The following ANO6 variants were observed in gnomAD, a reference collection of about 807,000 sequenced individuals.
The protein encoded by ANO6 is anoctamin-6.
ANO6 carries 106 observed loss-of-function variants against 117.5 expected under a neutral mutation model. That is an observed-to-expected ratio of 0.90 (90% confidence interval 0.77 to 1.06). The LOEUF is 1.06. Among genes scored for constraint, ANO6 ranks in the 50% least tolerant of loss-of-function variants. The pLI, the probability that ANO6 is intolerant of heterozygous loss-of-function variation, is 0.00. For missense variants in ANO6, 955 were observed against 1,121.1 expected (o/e 0.85, Z 2.12); for synonymous variants, 367 against 385.1 (o/e 0.95, Z 0.55).
At chr12:45,380,288 T>G (rs1029786656) in intron 10 of ANO6, among the ~76,000 whole-genome samples, 1 of 152,236 alleles carries the variant, frequency 6.6e-6, no homozygotes, top group African/African-American at 2.4e-5. Context: ...CCTTGTTGCA[T>G]CTTGCCTACT....
intron 15 of ANO6, among the ~76,000 whole-genome samples, chr12:45,406,760 T>C (rs1043828851): frequency 1.3e-5 from 2 of 152,120 alleles, no homozygotes; most frequent in African/African-American, 2.4e-5. Flanking sequence ...TAGATTCAGA[T>C]AGTGAAGGAT....
intron 1 of ANO6, among the ~76,000 whole-genome samples, chr12:45,220,420 C>T (rs1316273947): frequency 6.6e-6 from 1 of 152,084 alleles, no homozygotes; most frequent in Non-Finnish European, 1.5e-5. Flanking sequence ...CTTATCTTCC[C>T]ACACCCACCT....
At chr12:45,301,189 G>A (rs1387779922) in intron 1 of ANO6, among the ~76,000 whole-genome samples, 1 of 151,788 alleles carries the variant, frequency 6.6e-6, no homozygotes, top group Non-Finnish European at 1.5e-5. Flanking sequence ...TGATAATTAG[G>A]GTAGTATGGG....
intron 19 of ANO6, among the ~76,000 whole-genome samples, chr12:45,438,532 T>C (rs1943734115): frequency 6.6e-6 from 1 of 152,172 alleles, no homozygotes; most frequent in Non-Finnish European, 1.5e-5. Flanking sequence ...AAACACACTT[T>C]GTTCAGCATC....
At chr12:45,269,047 A>G (rs982326329) in intron 1 of ANO6, among the ~76,000 whole-genome samples, 81 of 152,318 alleles carry the variant, frequency 5.3e-4, no homozygotes, top group African/African-American at 1.9e-3. Context: ...CCAAGCTAAC[A>G]GCGGCAGCCT....
chr12:45,401,758 G>T, intron 12 of ANO6, 37 bp from the exon 13 acceptor site: 1 of 1,527,128 alleles, frequency 6.5e-7, no homozygotes, highest in Non-Finnish European at 9.1e-7. Flanking sequence ...TGCAGTTATT[G>T]GTGAGTCTCA....
chr12:45,238,151 CTT>C (rs71437709), intron 1 of ANO6, among the ~76,000 whole-genome samples: 14 of 130,830 alleles, frequency 1.1e-4, no homozygotes, highest in Non-Finnish European at 9.7e-5. Flanking sequence ...TTTTCTTTTT[CTT>C]TTTTTTTTTT....
chr12:45,374,000 A>G (rs1434551482), intron 9 of ANO6, among the ~76,000 whole-genome samples: 1 of 152,208 alleles, frequency 6.6e-6, no homozygotes, highest in Non-Finnish European at 1.5e-5. Flanking sequence ...AAGAGACGCA[A>G]TAAAAAATGA....
intron 2 of ANO6, among the ~76,000 whole-genome samples, chr12:45,307,868 A>T (rs1939719758): frequency 6.6e-6 from 1 of 152,028 alleles, no homozygotes; most frequent in Admixed American, 6.6e-5. Flanking sequence ...CCACATTCTG[A>T]TGATGGAGAA....
downstream of ANO6, among the ~76,000 whole-genome samples, chr12:45,432,702 T>A (rs1943660446): frequency 6.6e-6 from 1 of 152,168 alleles, no homozygotes; most frequent in African/African-American, 2.4e-5. Context: ...CATATTCCAT[T>A]CATTTCCTTT....
At chr12:45,324,215 G>A (rs1592967144) in intron 2 of ANO6, among the ~76,000 whole-genome samples, 2 of 152,118 alleles carry the variant, frequency 1.3e-5, no homozygotes, top group African/African-American at 2.4e-5. Context: ...TTACAGGCGT[G>A]AGTCACCACG....
chr12:45,437,187 A>G (rs946452311), downstream of ANO6, among the ~76,000 whole-genome samples: 1 of 152,226 alleles, frequency 6.6e-6, no homozygotes, highest in African/African-American at 2.4e-5. Context: ...CCACAAACAC[A>G]AAACTATTTT....
At position 45,392,971 on chromosome 12, in the gene ANO6, G is replaced by A. The variant is rs576462121; in HGVS notation, c.1386+2473G>A. Reference sequence around the variant, plus strand: ...GGATCACAGCTCCTCGCCAGCAACGGAACAAAGCTGGACAGAGAATGACTT... The same window carrying A: ...GGATCACAGCTCCTCGCCAGCAACGAAACAAAGCTGGACAGAGAATGACTT... On this transcript the variant is annotated intron_variant, in intron 12 of 19. Coordinates refer to ENST00000320560, the MANE Select transcript of ANO6 (RefSeq NM_001025356.3). 2.3e-4 allele frequency among the ~76,000 whole-genome samples: 35 copies of A among 152,308 alleles called. No individual in the cohort carries two copies. In the South Asian group the frequency reaches 7.3e-3, roughly 32 times the overall value.
At chr12:45,400,849 G>T (rs1942766420) in intron 12 of ANO6, among the ~76,000 whole-genome samples, 1 of 152,208 alleles carries the variant, frequency 6.6e-6, no homozygotes, top group Non-Finnish European at 1.5e-5. Flanking sequence ...GTCATCACGA[G>T]CAGTCACACA....
At chr12:45,360,285 C>A (rs931712050) in intron 8 of ANO6, among the ~76,000 whole-genome samples, 1 of 152,106 alleles carries the variant, frequency 6.6e-6, no homozygotes, top group Non-Finnish European at 1.5e-5. Context: ...ATCAAGTTGC[C>A]GACATTTGGT....
chr12:45,372,861 A>G (rs1400564216), intron 9 of ANO6, among the ~76,000 whole-genome samples: 1 of 152,186 alleles, frequency 6.6e-6, no homozygotes, highest in Non-Finnish European at 1.5e-5. Flanking sequence ...ACACATAACA[A>G]TATTAACTTT....
chr12:45,256,782 G>A (rs974166572), intron 1 of ANO6: 1 of 152,166 alleles, frequency 6.6e-6, no homozygotes, highest in Non-Finnish European at 1.5e-5. Flanking sequence ...TTTATAAAAT[G>A]TATAAAATTA....
chr12:45,383,314 TC>T (rs1942215735), intron 10 of ANO6: 1 of 155,974 alleles, frequency 6.4e-6, no homozygotes, highest in Non-Finnish European at 1.4e-5. Context: ...TGCAGTGACT[TC>T]CTCCACTGAA....
chr12:45,308,334 A>C (rs1939743926), intron 2 of ANO6, among the ~76,000 whole-genome samples: 1 of 152,008 alleles, frequency 6.6e-6, no homozygotes, highest in Non-Finnish European at 1.5e-5. Context: ...GGAAGCCAGC[A>C]TATTGGGACA....
Sources: allele counts gnomAD v4.1 joint callset (sites outside exome capture counted in the v4.1 genomes callset), GRCh38; gene constraint gnomAD v4.1.1; transcripts MANE v1.5; gene names NCBI Gene and HGNC (gene_info 2026-07-23, HGNC 2026-07-21).